Variants in SCNN1B observed in about 807,000 individuals in gnomAD.
SCNN1B encodes the protein sodium channel epithelial 1 subunit beta, also known as epithelial sodium channel subunit beta.
SCNN1B carries 46 observed loss-of-function variants against 65.3 expected under a neutral mutation model. The ratio of observed to expected loss-of-function variants is 0.70; its 90% confidence interval spans 0.56 to 0.90. The LOEUF (loss-of-function observed/expected upper bound fraction) is 0.90. Among genes scored for constraint, SCNN1B ranks in the 40% least tolerant of loss-of-function variants. The probability of loss-of-function intolerance (pLI) is 0.00; values close to 1 mark genes in which losing one functional copy is unlikely to be tolerated. For synonymous variants in SCNN1B, 349 were observed against 330.6 expected, an observed-to-expected ratio of 1.06 and a Z score of -0.60; for missense variants, 751 against 830.5, an observed-to-expected ratio of 0.90 and a Z score of 1.18.
At chr16:23,332,029 T>G (rs1961822898) in intron 1 of SCNN1B, among the ~76,000 whole-genome samples, 1 of 152,016 alleles carries the variant, frequency 6.6e-6, no homozygotes, top group Non-Finnish European at 1.5e-5. Context: ...TGTCTTTTTG[T>G]TTTTTGGGTT....
intron 4 of SCNN1B, among the ~76,000 whole-genome samples, chr16:23,358,814 C>T (rs567033882): frequency 9.9e-5 from 15 of 152,248 alleles, no homozygotes; most frequent in East Asian, 3.9e-4. Flanking sequence ...GACCGAGGCA[C>T]GAGAATCACT....
chr16:23,380,806 G>GC lies in SCNN1B; in HGVS notation c.*9dup, dbSNP rs1567321998. ...AGTGAGGGTGATGCCATCTAACCCT[G>GC]CCCCTGCCCACCCCGGGCGGCTGAA... is the stretch of plus-strand genomic sequence containing the variant. On this transcript the variant is annotated 3_prime_UTR_variant, in exon 13 of 13. Coordinates refer to ENST00000343070, the MANE Select transcript of SCNN1B (RefSeq NM_000336.3). The surrounding 1 kb of genome is among the most constrained non-coding windows in gnomAD (Gnocchi z 5.4). 8 of 1,611,850 alleles carry GC rather than the reference G, an allele frequency of 5.0e-6. No homozygotes were observed. The highest frequency in any genetic ancestry group is 5.9e-6 in the Non-Finnish European group (7 of 1,179,958).
intron 1 of SCNN1B, among the ~76,000 whole-genome samples, chr16:23,344,260 C>T (rs150935172): frequency 6.6e-6 from 1 of 152,146 alleles, no homozygotes; most frequent in Non-Finnish European, 1.5e-5. Context: ...GTTGCCTGAG[C>T]CTGAGGCCTC....
intron 1 of SCNN1B, among the ~76,000 whole-genome samples, chr16:23,323,971 C>G (rs1267736757): frequency 6.6e-6 from 1 of 152,174 alleles, no homozygotes; most frequent in Non-Finnish European, 1.5e-5. Context: ...AGTAGCCAAC[C>G]TTCATTCAAC....
intron 4 of SCNN1B, among the ~76,000 whole-genome samples, chr16:23,357,044 C>G (rs931709187): frequency 7.2e-5 from 11 of 152,244 alleles, no homozygotes; most frequent in Non-Finnish European, 1.0e-4. Context: ...CGGCCCCACC[C>G]CAGGTTTCAG....
At chr16:23,354,078 C>T (rs950997785) in intron 3 of SCNN1B, among the ~76,000 whole-genome samples, 3 of 152,162 alleles carry the variant, frequency 2.0e-5, no homozygotes, top group Non-Finnish European at 4.4e-5. Flanking sequence ...ACACTCATGG[C>T]GTTATGACTT....
At chr16:23,279,076 T>G (rs11859456) in intron 1 of SCNN1B, among the ~76,000 whole-genome samples, 250 of 99,798 alleles carry the variant, frequency 2.5e-3, no homozygotes, top group African/African-American at 0.015. Context: ...GTGTGTGGGG[T>G]GTGTGTGTGT....
chr16:23,333,127 GAGGGAGGGAGGA>G (rs1961853681), intron 1 of SCNN1B, among the ~76,000 whole-genome samples: 1 of 101,500 alleles, frequency 9.9e-6, no homozygotes, highest in African/African-American at 4.5e-5. Context: ...GGGAGGGAGG[GAGGGAGGGAGGA>G]AGGAAGGAAA....
chr16:23,360,696 A>G (rs558215559), intron 4 of SCNN1B, among the ~76,000 whole-genome samples: 63 of 148,974 alleles, frequency 4.2e-4, no homozygotes, highest in South Asian at 1.9e-3. Context: ...CCCGGGTTCA[A>G]GTGATTATCG....
At chr16:23,316,041 C>T (rs201625134) in intron 1 of SCNN1B, among the ~76,000 whole-genome samples, 52 of 67,640 alleles carry the variant, frequency 7.7e-4, no homozygotes, top group African/African-American at 2.3e-3. Flanking sequence ...ACCATCGCCA[C>T]CATCACCATC....
upstream of SCNN1B, among the ~76,000 whole-genome samples, chr16:23,301,366 A>AAAAAAAAAAAAAAG (rs796515589): frequency 9.5e-5 from 14 of 146,760 alleles, no homozygotes; most frequent in African/African-American, 3.8e-4. Context: ...TGTCAAAAAA[A>AAAAAAAAAAAAAAG]AAAGAAAGAA....
At chr16:23,304,128 T>A (rs139420503) in intron 1 of SCNN1B, 2 of 1,504,256 alleles carry the variant, frequency 1.3e-6, no homozygotes, top group Non-Finnish European at 1.8e-6. Flanking sequence ...GCATCTTCTA[T>A]AAATTGTTAT....
intron 1 of SCNN1B, among the ~76,000 whole-genome samples, chr16:23,325,939 C>T (rs1431962712): frequency 6.8e-6 from 1 of 148,060 alleles, no homozygotes. Flanking sequence ...AAAAGCCACA[C>T]AGCTGTAGTC....
rs1567314732 is a variant in SCNN1B at position 23,367,958 on chromosome 16, CG to C, written c.880+1del. The C allele has an allele frequency of 1.9e-6, 3 of 1,611,432 alleles. No homozygotes were observed. The highest frequency in any genetic ancestry group is 2.5e-6 in the Non-Finnish European group (3 of 1,177,754). On this transcript the variant is annotated frameshift_variant and splice_region_variant, in exon 5 of 13. Coordinates refer to ENST00000343070, the MANE Select transcript of SCNN1B (RefSeq NM_000336.3). LOFTEE classifies it high-confidence loss of function. ...CTTCGGCCAACCCTGGAACTGAATT[CG>C]GTGAGTTTTGGTTTATCGTGGGGCC... Reference protein sequence around the residue: ...LPSANPGTEFGLKLILDIGQE... With the variant: ...LPSANPGTEFXLKLILDIGQE...
chr16:23,374,401 T>G (rs1053254144), intron 7 of SCNN1B, among the ~76,000 whole-genome samples: 1 of 149,212 alleles, frequency 6.7e-6, no homozygotes, highest in African/African-American at 2.5e-5. Context: ...TAGTGAAACC[T>G]GGTCTCTACT....
chr16:23,355,400 G>C lies in SCNN1B; in HGVS notation c.687G>C (p.Gln229His). ...TGCAGGCCACCAACATCTTTGCACAGGTGCCACAGCAGGAGCTAGTAGAGA... is the reference window on the plus strand; with the variant it reads ...TGCAGGCCACCAACATCTTTGCACACGTGCCACAGCAGGAGCTAGTAGAGA... ...YILQATNIFAQVPQQELVEMS... is the reference protein window; with the variant it reads ...YILQATNIFAHVPQQELVEMS... The change falls in exon 4 of 13, where the codon CAG becomes CAC. Residue 229 changes from glutamine (Q) to histidine (H), a missense_variant. Coordinates refer to ENST00000343070, the MANE Select transcript of SCNN1B (RefSeq NM_000336.3). The C allele has an allele frequency of 6.2e-7, 1 of 1,614,186 alleles. No homozygotes were observed. The highest frequency in any genetic ancestry group is 8.5e-7 in the Non-Finnish European group (1 of 1,180,024).
intron 2 of SCNN1B, among the ~76,000 whole-genome samples, chr16:23,352,451 G>T (rs553236488): frequency 5.1e-4 from 77 of 152,310 alleles, no homozygotes; most frequent in African/African-American, 1.7e-3. Context: ...CATACGGGCG[G>T]CTTTCCGCAT....
At chr16:23,360,217 T>TAAATAAATAAATAAAC (rs1555488457) in intron 4 of SCNN1B, among the ~76,000 whole-genome samples, 3,787 of 150,090 alleles carry the variant, frequency 0.025, 183 homozygotes, top group African/African-American at 0.089. Flanking sequence ...AATAAATAAA[T>TAAATAAATAAATAAAC]AAATAAATAA....
At chr16:23,367,300 G>T (rs533285706) in intron 4 of SCNN1B, among the ~76,000 whole-genome samples, 1 of 152,086 alleles carries the variant, frequency 6.6e-6, no homozygotes, top group East Asian at 1.9e-4. Flanking sequence ...TGTTGTTGTT[G>T]TTTGTTGTTG....
Sources: allele counts gnomAD v4.1 joint callset (sites outside exome capture counted in the v4.1 genomes callset), GRCh38; gene constraint gnomAD v4.1.1; non-coding constraint Gnocchi (gnomAD v3.1); transcripts MANE v1.5; gene names NCBI Gene and HGNC (gene_info 2026-07-23, HGNC 2026-07-21).